Variants in TCERG1L observed in about 807,000 individuals in gnomAD.
TCERG1L encodes transcription elongation regulator 1-like protein.
A neutral mutation model predicts 56.3 loss-of-function variants in TCERG1L; 37 were observed. The observed-to-expected ratio is 0.66, with a 90% CI of 0.51 to 0.87. The LOEUF (loss-of-function observed/expected upper bound fraction) is 0.87, where lower values mean the gene tolerates loss of function less well. Among genes scored for constraint, TCERG1L ranks in the 40% least tolerant of loss-of-function variants. The probability of loss-of-function intolerance (pLI) is 0.00; values close to 1 mark genes in which losing one functional copy is unlikely to be tolerated. For missense variants in TCERG1L, 799 were observed against 774.2 expected, an observed-to-expected ratio of 1.03 and a Z score of -0.38; for synonymous variants, 324 against 326.3, an observed-to-expected ratio of 0.99 and a Z score of 0.08.
At chr10:131,098,798 G>A (rs536205599) in intron 10 of TCERG1L, among the ~76,000 whole-genome samples, 93 of 152,340 alleles carry the variant, frequency 6.1e-4, no homozygotes, top group Non-Finnish European at 1.1e-3. Context: ...TGCCCTCTGA[G>A]CAGCATCTGT....
intron 3 of TCERG1L, among the ~76,000 whole-genome samples, chr10:131,295,974 TAA>T (rs1846685611): frequency 6.6e-6 from 1 of 152,210 alleles, no homozygotes; most frequent in Non-Finnish European, 1.5e-5. Context: ...TTCTTATGAC[TAA>T]GTTTTGAAGG....
At chr10:131,307,897 T>C (rs1030978993) in intron 3 of TCERG1L, among the ~76,000 whole-genome samples, 1 of 151,956 alleles carries the variant, frequency 6.6e-6, no homozygotes, top group Non-Finnish European at 1.5e-5. Flanking sequence ...GATCAATTAG[T>C]GCCCCTATTA....
At chr10:131,220,045 T>C (rs1845713556) in intron 4 of TCERG1L, among the ~76,000 whole-genome samples, 1 of 152,274 alleles carries the variant, frequency 6.6e-6, no homozygotes, top group South Asian at 2.1e-4. Context: ...TCTGCCTCCC[T>C]GAGGTTCCAA....
intron 8 of TCERG1L, among the ~76,000 whole-genome samples, chr10:131,120,907 A>G (rs1564795728): frequency 6.6e-6 from 1 of 152,142 alleles, no homozygotes; most frequent in Admixed American, 6.5e-5. Flanking sequence ...GCGGGGCTGT[A>G]GCTGGAACAA....
intron 4 of TCERG1L, among the ~76,000 whole-genome samples, chr10:131,253,604 T>C (rs568243936): frequency 2.0e-5 from 3 of 152,316 alleles, no homozygotes; most frequent in Non-Finnish European, 4.4e-5. Flanking sequence ...GAACGCTTCC[T>C]GACTGTGTTT....
rs2133374041 is a variant in TCERG1L at position 131,092,590 on chromosome 10, G to T, written c.*572C>A. ...CTGCTCCAGGCCGGGACGCCCCTCTGGGAGGAACGCGCGGCCACCCTTGGA... is the reference window on the plus strand; with the variant it reads ...CTGCTCCAGGCCGGGACGCCCCTCTTGGAGGAACGCGCGGCCACCCTTGGA... On this transcript the variant is annotated 3_prime_UTR_variant, in exon 12 of 12. Coordinates refer to ENST00000368642, the MANE Select transcript of TCERG1L (RefSeq NM_174937.4). 1 of 152,660 alleles carries T rather than the reference G, an allele frequency of 6.6e-6. No homozygotes were observed. The highest frequency in any genetic ancestry group is 6.5e-5 in the Admixed American group (1 of 15,294). 9.5% of individuals were successfully genotyped at this position (152,660 alleles called of 1,614,324 possible).
At chr10:131,237,603 T>A (rs1845926112) in intron 4 of TCERG1L, among the ~76,000 whole-genome samples, 1 of 152,206 alleles carries the variant, frequency 6.6e-6, no homozygotes, top group South Asian at 2.1e-4. Flanking sequence ...ATGTCATCAT[T>A]TTTTACAGTA....
At chr10:131,210,487 G>C (rs1845604910) in intron 4 of TCERG1L, among the ~76,000 whole-genome samples, 1 of 152,144 alleles carries the variant, frequency 6.6e-6, no homozygotes, top group Non-Finnish European at 1.5e-5. Flanking sequence ...GCACTCCGTG[G>C]GCAATACCAA....
At chr10:131,200,361 C>A (rs546266947) in intron 4 of TCERG1L, among the ~76,000 whole-genome samples, 2 of 152,198 alleles carry the variant, frequency 1.3e-5, no homozygotes, top group African/African-American at 4.8e-5. Context: ...CCACTCCACC[C>A]CAAGGAGTGT....
At chr10:131,189,877 C>T (rs1432247503) in intron 4 of TCERG1L, among the ~76,000 whole-genome samples, 1 of 151,798 alleles carries the variant, frequency 6.6e-6, no homozygotes, top group East Asian at 1.9e-4. Flanking sequence ...CACTCCGAAA[C>T]AAGAACAAAC....
At chr10:131,149,898 C>T (rs1462705837) in intron 6 of TCERG1L, among the ~76,000 whole-genome samples, 1 of 152,194 alleles carries the variant, frequency 6.6e-6, no homozygotes. Context: ...AGCCCAGATC[C>T]GGCCCCTCAA....
At chr10:131,175,074 G>A (rs997951651) in intron 4 of TCERG1L, among the ~76,000 whole-genome samples, 1 of 152,196 alleles carries the variant, frequency 6.6e-6, no homozygotes, top group Non-Finnish European at 1.5e-5. Context: ...AAGAGAATCT[G>A]GTGTCACGGC....
chr10:131,124,077 A>G (rs1845540918), intron 8 of TCERG1L, among the ~76,000 whole-genome samples: 1 of 152,174 alleles, frequency 6.6e-6, no homozygotes, highest in South Asian at 2.1e-4. Flanking sequence ...ACTGTGGCGT[A>G]GACCAAGGTG....
chr10:131,146,485 A>G (rs374968710), intron 7 of TCERG1L, 21 bp downstream of exon 7: 3 of 1,586,660 alleles, frequency 1.9e-6, no homozygotes, highest in Non-Finnish European at 8.6e-7. Flanking sequence ...AGGAGGTGTA[A>G]ATAACCCAGG....
chr10:131,151,026 T>C (rs1845858864), intron 6 of TCERG1L, among the ~76,000 whole-genome samples: 1 of 152,158 alleles, frequency 6.6e-6, no homozygotes, highest in African/African-American at 2.4e-5. Flanking sequence ...GGAAACCACT[T>C]CCGTGATTCA....
At chr10:131,225,405 C>T (rs933008273) in intron 4 of TCERG1L, among the ~76,000 whole-genome samples, 2 of 152,146 alleles carry the variant, frequency 1.3e-5, no homozygotes, top group Non-Finnish European at 1.5e-5. Flanking sequence ...TTTGTAAGTA[C>T]ACCATTCTAC....
chr10:131,211,443 G>A (rs1047570754), intron 4 of TCERG1L, among the ~76,000 whole-genome samples: 1 of 152,154 alleles, frequency 6.6e-6, no homozygotes, highest in Non-Finnish European at 1.5e-5. Flanking sequence ...GGTGTTCTGG[G>A]CCCATGCTGT....
In TCERG1L at chr10:131,308,274, A is replaced by AGG; in HGVS notation, c.606_607insCC (p.Ser203ProfsTer16). On this transcript the variant is annotated frameshift_variant, in exon 3 of 12. Coordinates refer to ENST00000368642, the MANE Select transcript of TCERG1L (RefSeq NM_174937.4). LOFTEE classifies it high-confidence loss of function. ...GGCCTGGAGGCAGGAGCCGGCCTGG[A>AGG]CAGAGACACAGCTACTTGATTTGCC... 6.2e-7 allele frequency: 1 copy of AGG among 1,613,996 alleles called. No individual in the cohort carries two copies. The highest frequency in any genetic ancestry group is 8.5e-7 in the Non-Finnish European group (1 of 1,179,888).
At chr10:131,290,152 C>T (rs112191812) in intron 3 of TCERG1L, among the ~76,000 whole-genome samples, 2 of 88,480 alleles carry the variant, frequency 2.3e-5, no homozygotes, top group Admixed American at 1.5e-4. Flanking sequence ...CCTCCATCTC[C>T]TATCGGTGTG....
Sources: gnomAD v4.1 joint callset for allele counts (sites outside exome capture counted in the v4.1 genomes callset) on GRCh38, gnomAD v4.1.1 for gene constraint, MANE v1.5 for transcripts, NCBI Gene and HGNC (gene_info 2026-07-23, HGNC 2026-07-21) for gene names.